ADAMTS17: variants seen among roughly 807,000 people sequenced by gnomAD.
ADAMTS17 encodes the protein A disintegrin and metalloproteinase with thrombospondin motifs 17.
ADAMTS17 carries 113 observed loss-of-function variants against 141.5 expected under a neutral mutation model. The observed-to-expected ratio is 0.80, with a 90% CI of 0.69 to 0.93. ADAMTS17 has a LOEUF of 0.93. ADAMTS17 is among the 40% of genes least tolerant of loss of function. ADAMTS17 has a pLI of 0.00. For missense variants in ADAMTS17, 1,659 were observed against 1,517.9 expected (o/e 1.09, Z -1.54); for synonymous variants, 768 against 630.6 (o/e 1.22, Z -3.27).
chr15:100,027,443 C>G (rs2061536177), intron 18 of ADAMTS17, among the ~76,000 whole-genome samples: 1 of 152,238 alleles, frequency 6.6e-6, no homozygotes, highest in African/African-American at 2.4e-5. Flanking sequence ...CTAGTCATCT[C>G]TTGGTTAGAT....
At chr15:100,260,111 C>A (rs2043464847) in intron 6 of ADAMTS17, among the ~76,000 whole-genome samples, 3 of 152,048 alleles carry the variant, frequency 2.0e-5, no homozygotes, top group African/African-American at 7.2e-5. Flanking sequence ...TCCCAAAGTG[C>A]TGGGATTACA....
At chr15:100,328,291 T>C (rs1596533989) in intron 3 of ADAMTS17, among the ~76,000 whole-genome samples, 1 of 152,220 alleles carries the variant, frequency 6.6e-6, no homozygotes, top group East Asian at 1.9e-4. Context: ...TAATCCAAAC[T>C]AGATAGGGCC....
chr15:100,087,967 C>T (rs573153317), intron 15 of ADAMTS17, among the ~76,000 whole-genome samples: 5 of 152,210 alleles, frequency 3.3e-5, no homozygotes, highest in African/African-American at 9.6e-5. Flanking sequence ...CTATTCAACA[C>T]AATGTTTGAA....
At chr15:100,112,707 C>T (rs1340812480) in intron 13 of ADAMTS17, among the ~76,000 whole-genome samples, 1 of 152,168 alleles carries the variant, frequency 6.6e-6, no homozygotes, top group Non-Finnish European at 1.5e-5. Flanking sequence ...GTGCCACCTG[C>T]ATGGCTGGTG....
At chr15:100,060,606 T>C (rs1001265466) in intron 15 of ADAMTS17, among the ~76,000 whole-genome samples, 1 of 152,240 alleles carries the variant, frequency 6.6e-6, no homozygotes, top group African/African-American at 2.4e-5. Context: ...GGGGTTCTTT[T>C]AGTCTCTCTC....
rs202203873 is a variant in ADAMTS17, at chr15:100,132,043, C to A, written c.1685G>T (p.Gly562Val). The stretch of plus-strand genomic sequence containing the variant: ...ACATTTCCTCTGCCTGAAGCGGGCT[C>A]CCGTCCCACATGTTCGGCTGCACAT... ...WSMCSRTCGT[G>V]ARFRQRKCDN... is the part of the protein sequence containing the mutation. Residue 562 changes from glycine to valine, a missense_variant, in exon 12 of 22, where the codon GGA becomes GTA. Transcript: ENST00000268070. The A allele has an allele frequency of 2.0e-4, 315 of 1,613,844 alleles. No individual in the cohort carries two copies. The highest frequency in any genetic ancestry group is 2.6e-4 in the Non-Finnish European group (305 of 1,179,828).
Position 100,048,721 on chromosome 15 carries a change from C to T in ADAMTS17, c.2591+136G>A, listed in dbSNP as rs142014327. ...CTGGAAATTTGGTAATTTGAGCAAG[C>T]GGAAATCTCTCATCAACAATAACGG... On this transcript the variant is annotated intron_variant, in intron 18 of 21. Transcript: ENST00000268070. 700 of 1,371,226 alleles carry T rather than the reference C, an allele frequency of 5.1e-4. 3 individuals carry two copies. In the East Asian group the frequency reaches 6.5e-3, roughly 13 times the overall value. The allele number at this position is 1,371,226 out of a possible 1,614,324, so 84.9% of individuals were successfully genotyped here.
chr15:100,069,996 T>A (rs7166394), intron 15 of ADAMTS17, among the ~76,000 whole-genome samples: 1 of 149,730 alleles, frequency 6.7e-6, no homozygotes, highest in Non-Finnish European at 1.5e-5. Context: ...ATTCAGGAAA[T>A]CCATCTCATG....
intron 4 of ADAMTS17, among the ~76,000 whole-genome samples, chr15:100,275,738 G>A (rs9328576): frequency 0.47 from 71,236 of 151,596 alleles, 17,176 homozygotes; most frequent in South Asian, 0.68. Context: ...TGCCATCTGG[G>A]ACAGCTGGTG....
chr15:100,228,627 C>T (rs566880167), intron 7 of ADAMTS17, among the ~76,000 whole-genome samples: 10 of 152,330 alleles, frequency 6.6e-5, no homozygotes, highest in South Asian at 2.1e-4. Flanking sequence ...CACGAGAGAG[C>T]GCTGAACAGA....
intron 15 of ADAMTS17, among the ~76,000 whole-genome samples, chr15:100,092,820 T>C (rs960869806): frequency 6.6e-6 from 1 of 152,232 alleles, no homozygotes; most frequent in African/African-American, 2.4e-5. Flanking sequence ...TATCCTTGGC[T>C]GGTTCTCAGT....
intron 18 of ADAMTS17, among the ~76,000 whole-genome samples, chr15:100,005,107 A>C (rs2061012973): frequency 6.6e-6 from 1 of 152,080 alleles, no homozygotes; most frequent in Non-Finnish European, 1.5e-5. Context: ...AATTCAGGGC[A>C]CCCCTTCTCC....
chr15:99,990,956 C>T (rs891042918), intron 20 of ADAMTS17, among the ~76,000 whole-genome samples: 8 of 152,190 alleles, frequency 5.3e-5, no homozygotes, highest in Non-Finnish European at 2.9e-5. Context: ...GTTGGGAAAA[C>T]TGGCTAGCCA....
rs747331817 is a variant in ADAMTS17 at position 99,993,128 on chromosome 15, C to T, written c.2869G>A (p.Ala957Thr). ...ACTNSQGKCD[A>T]STRPRAEEAC... ...TCCTCGGCTCTCGGCCTCGTGGATG[C>T]GTCGCATTTCCCTTGTGAGTTGGTG... Residue 957 changes from alanine to threonine, a missense_variant, in exon 20 of 22, where the codon GCA becomes ACA. Ala to Thr is a moderately conservative substitution (Grantham distance 58). Transcript: ENST00000268070. This position sits in a 1 kb window ranked among gnomAD's most constrained non-coding sequence, Gnocchi z 4.3. 3.7e-6 allele frequency: 6 copies of T among 1,614,022 alleles called. No individual in the cohort carries two copies. The highest frequency in any genetic ancestry group is 4.5e-5 in the East Asian group (2 of 44,882).
At chr15:100,089,206 AT>A (rs1366816524) in intron 15 of ADAMTS17, among the ~76,000 whole-genome samples, 2 of 148,742 alleles carry the variant, frequency 1.3e-5, no homozygotes, top group African/African-American at 5.0e-5. Flanking sequence ...AAAAGAAGAC[AT>A]TTATGCAGCC....
chr15:100,026,302 T>G (rs974758229), intron 18 of ADAMTS17, among the ~76,000 whole-genome samples: 3 of 152,244 alleles, frequency 2.0e-5, no homozygotes, highest in African/African-American at 7.2e-5. Flanking sequence ...GGATGTGCAT[T>G]TGGGTTGTTT....
At chr15:100,287,729 C>T (rs151134978) in intron 3 of ADAMTS17, among the ~76,000 whole-genome samples, 20 of 152,158 alleles carry the variant, frequency 1.3e-4, no homozygotes, top group Middle Eastern at 3.4e-3. Context: ...CAGGCCTGTA[C>T]TCCAATCAAG....
chr15:99,989,540 T>C lies in ADAMTS17; in HGVS notation c.2949+3508A>G, dbSNP rs577431649. On this transcript the variant is annotated intron_variant, in intron 20 of 21. Transcript: ENST00000268070. ...TTCCCCTTCTACACCTTCTGGACTC[T>C]CCGTAACCATGCAGGCATGAGGTAA... is the stretch of plus-strand genomic sequence containing the variant. Among the ~76,000 whole-genome samples, 15 of 152,346 alleles carry C rather than the reference T, an allele frequency of 9.8e-5. No homozygotes were observed. In the East Asian group the frequency reaches 2.9e-3, roughly 29 times the overall value.
rs1467248587 is a variant in ADAMTS17 at position 100,200,883 on chromosome 15, C to A, written c.1076-1460G>T. ...CTGCACCTGCTCTCCATGGGCTGTCCCTCTGTCGAGCTGCACCTGCTCTCC... is the reference window on the plus strand; with the variant it reads ...CTGCACCTGCTCTCCATGGGCTGTCACTCTGTCGAGCTGCACCTGCTCTCC... On this transcript the variant is annotated intron_variant, in intron 7 of 21. Coordinates refer to ENST00000268070, the MANE Select transcript of ADAMTS17 (RefSeq NM_139057.4). Among the ~76,000 whole-genome samples the A allele has an allele frequency of 2.6e-5, 4 of 152,254 alleles. No homozygotes were observed. The East Asian group carries it at 7.7e-4, about 29-fold the overall frequency.
Sources: gnomAD v4.1 joint callset for allele counts (sites outside exome capture counted in the v4.1 genomes callset) on GRCh38, gnomAD v4.1.1 for gene constraint, Gnocchi (gnomAD v3.1) non-coding constraint, MANE v1.5 for transcripts, NCBI Gene and HGNC (gene_info 2026-07-23, HGNC 2026-07-21) for gene names.